LIFR: variants seen among roughly 807,000 people sequenced by gnomAD.
The protein encoded by LIFR is LIF receptor subunit alpha, also known as leukemia inhibitory factor receptor.
LIFR carries 84 observed loss-of-function variants against 122.2 expected under a neutral mutation model. The observed-to-expected ratio is 0.69, with a 90% CI of 0.58 to 0.82. LIFR has a LOEUF of 0.82. Ranked by LOEUF, LIFR falls within the 40% of genes least tolerant of loss-of-function variation. The pLI is 0.00. For synonymous variants in LIFR, 422 were observed against 434.7 expected, an observed-to-expected ratio of 0.97 and a Z score of 0.36; for missense variants, 1,294 against 1,311.6, an observed-to-expected ratio of 0.99 and a Z score of 0.21.
chr5:38,557,504 A>C (rs1200891867), upstream of LIFR: 2 of 154,798 alleles, frequency 1.3e-5, no homozygotes, highest in Non-Finnish European at 2.9e-5. Context: ...TGCAAAGTTC[A>C]GAAATGTGCC....
upstream of LIFR, among the ~76,000 whole-genome samples, chr5:38,595,777 A>G (rs964945679): frequency 7.7e-5 from 11 of 142,440 alleles, no homozygotes; most frequent in East Asian, 4.1e-4. Context: ...CTGTCTCCCA[A>G]GCTGGAGTGC....
rs377127928 is a variant in LIFR at position 38,517,682 on chromosome 5, C to T, written c.562-5718G>A. On this transcript the variant is annotated intron_variant, in intron 5 of 19. Coordinates refer to ENST00000453190, the MANE Select transcript of LIFR (RefSeq NM_001127671.2). Reference sequence around the variant, plus strand: ...ACCATCCTGGCTAACACGGTGAAACCCCATCTCCACTAAAAATACAAAAAG... The same window carrying T: ...ACCATCCTGGCTAACACGGTGAAACTCCATCTCCACTAAAAATACAAAAAG... Among the ~76,000 whole-genome samples, 4 of 151,300 alleles carry T rather than the reference C, an allele frequency of 2.6e-5. No homozygotes were observed. In the East Asian group the frequency reaches 5.8e-4, roughly 22 times the overall value.
chr5:38,511,946 G>A lies in LIFR; in HGVS notation c.580C>T (p.Leu194=), dbSNP rs1434520177. 2 of 1,614,020 alleles carry A rather than the reference G, an allele frequency of 1.2e-6. No individual in the cohort carries two copies. Among genetic ancestry groups the A allele is most frequent in the Non-Finnish European group, 1.7e-6 (2 of 1,179,962 alleles). ...LVKLVTHNTT[L]NGKDTLHHWS... The stretch of plus-strand genomic sequence containing the variant: ...TGATGAAGTGTATCTTTGCCATTCA[G>A]AGTTGTGTTGTGGGTCACCTAAAAA... The change falls in exon 6 of 20, where the codon CTG becomes TTG. Residue 194 remains leucine (L), a synonymous_variant. Coordinates refer to ENST00000453190, the MANE Select transcript of LIFR (RefSeq NM_001127671.2).
At chr5:38,505,641 AG>A in intron 9 of LIFR, among the ~76,000 whole-genome samples, 1 of 152,308 alleles carries the variant, frequency 6.6e-6, no homozygotes, top group African/African-American at 2.4e-5. Flanking sequence ...TCAAAATAAA[AG>A]TTTTTAAAAA....
intron 1 of LIFR, among the ~76,000 whole-genome samples, chr5:38,573,655 T>G (rs1215628963): frequency 1.3e-5 from 2 of 152,244 alleles, no homozygotes; most frequent in East Asian, 3.8e-4. Flanking sequence ...ATTTCAGACA[T>G]GATCAGATGC....
chr5:38,480,783 A>T lies in LIFR; in HGVS notation c.*812T>A, dbSNP rs751619532. On this transcript the variant is annotated 3_prime_UTR_variant, in exon 20 of 20. Coordinates refer to ENST00000453190, the MANE Select transcript of LIFR (RefSeq NM_001127671.2). ...TGTATCACAAAATAAAATGATTTTT[A>T]AAAAATGTGGGTCTCTAGTCTTAGA... is the stretch of plus-strand genomic sequence containing the variant. 9.8e-5 allele frequency: 21 copies of T among 213,456 alleles called. No individual in the cohort carries two copies. Among genetic ancestry groups the T allele is most frequent in the African/African-American group, 1.4e-4 (6 of 44,196 alleles). 13.2% of individuals were successfully genotyped at this position (213,456 alleles called of 1,614,324 possible).
intron 7 of LIFR, 89 bp from the exon 8 acceptor site, chr5:38,506,721 T>G: frequency 2.7e-6 from 3 of 1,101,644 alleles, no homozygotes; most frequent in Non-Finnish European, 4.0e-6. Flanking sequence ...TTCCACAATT[T>G]CCTAAAAAAT....
Position 38,526,415 on chromosome 5 carries a change from C to CTGTG in LIFR, c.397+736_397+739dup, listed in dbSNP as rs34077685. On this transcript the variant is annotated intron_variant, in intron 4 of 19. Coordinates refer to ENST00000453190, the MANE Select transcript of LIFR (RefSeq NM_001127671.2). ...TTACACATGGTAAGTACAAACTTTA[C>CTGTG]TGTGTGTGTGTGTGTGTGTGTGTGT... Among the ~76,000 whole-genome samples the CTGTG allele has an allele frequency of 4.6e-3, 688 of 148,098 alleles. 2 individuals carry two copies. The highest frequency in any genetic ancestry group is 0.014 in the African/African-American group (583 of 40,530).
upstream of LIFR, among the ~76,000 whole-genome samples, chr5:38,598,513 A>G (rs188401243): frequency 6.6e-6 from 1 of 151,896 alleles, no homozygotes; most frequent in African/African-American, 2.4e-5. Context: ...CCCAAAAGGC[A>G]CACTTTCAAT....
chr5:38,541,689 A>T (rs1178176108), intron 1 of LIFR, among the ~76,000 whole-genome samples: 1 of 152,244 alleles, frequency 6.6e-6, no homozygotes, highest in African/African-American at 2.4e-5. Flanking sequence ...TATAGGAATC[A>T]TATCCAACTT....
chr5:38,602,980 C>T (rs779932609), intron 2 of LIFR, among the ~76,000 whole-genome samples: 8 of 152,166 alleles, frequency 5.3e-5, no homozygotes, highest in South Asian at 4.1e-4. Context: ...GAGCCTCAGA[C>T]GTGCATGCTT....
intron 15 of LIFR, among the ~76,000 whole-genome samples, chr5:38,489,938 A>G (rs1369326848): frequency 1.4e-5 from 2 of 145,846 alleles, no homozygotes. Flanking sequence ...GAGGCTGAAG[A>G]GAGCCATGAT....
chr5:38,555,807 C>T (rs1180916445), intron 1 of LIFR, among the ~76,000 whole-genome samples: 1 of 152,190 alleles, frequency 6.6e-6, no homozygotes, highest in African/African-American at 2.4e-5. Context: ...ACTCCTGAAT[C>T]CAGCTTTGTG....
chr5:38,576,561 C>A (rs1749393120), intron 1 of LIFR, among the ~76,000 whole-genome samples: 1 of 152,152 alleles, frequency 6.6e-6, no homozygotes, highest in Admixed American at 6.5e-5. Flanking sequence ...ATAATGCGAG[C>A]CAGCGCTGGG....
chr5:38,564,735 TACACACACACACACACACACACAC>T (rs3047301), intron 1 of LIFR, among the ~76,000 whole-genome samples: 3 of 137,404 alleles, frequency 2.2e-5, no homozygotes, highest in African/African-American at 2.7e-5. Context: ...ACACACACAC[TACACACACACACACACACACACAC>T]ACACACACAC....
At chr5:38,592,623 C>T (rs1749959029) in intron 1 of LIFR, among the ~76,000 whole-genome samples, 1 of 149,210 alleles carries the variant, frequency 6.7e-6, no homozygotes, top group Non-Finnish European at 1.5e-5. Flanking sequence ...CGCCACTGCG[C>T]TCCAGCCTGG....
At chr5:38,507,811 T>C (rs1745576009) in intron 7 of LIFR, among the ~76,000 whole-genome samples, 1 of 152,070 alleles carries the variant, frequency 6.6e-6, no homozygotes, top group Non-Finnish European at 1.5e-5. Flanking sequence ...CCTTAGTTTA[T>C]CAACCAAAAC....
chr5:38,595,036 G>A (rs1021669166), intron 1 of LIFR: 1 of 181,302 alleles, frequency 5.5e-6, no homozygotes, highest in African/African-American at 2.4e-5. Context: ...GACCATCTCT[G>A]TAGGATGCCA....
chr5:38,583,111 C>T (rs996436082), intron 1 of LIFR, among the ~76,000 whole-genome samples: 3 of 152,230 alleles, frequency 2.0e-5, no homozygotes, highest in South Asian at 2.1e-4. Context: ...CTTGCACATA[C>T]GTAACGTGTT....
Sources: gnomAD v4.1 joint callset for allele counts (sites outside exome capture counted in the v4.1 genomes callset) on GRCh38, gnomAD v4.1.1 for gene constraint, MANE v1.5 for transcripts, NCBI Gene and HGNC (gene_info 2026-07-23, HGNC 2026-07-21) for gene names.